Variants in SLC16A1 observed in about 807,000 individuals in gnomAD.
The protein encoded by SLC16A1 is monocarboxylate transporter 1.
A neutral mutation model predicts 32.2 loss-of-function variants in SLC16A1; 11 were observed. That is an observed-to-expected ratio of 0.34 (90% CI 0.21 to 0.56). The LOEUF (loss-of-function observed/expected upper bound fraction) is 0.56. Among genes scored for constraint, SLC16A1 ranks in the 20% least tolerant of loss-of-function variants. SLC16A1 has a pLI of 0.87. For missense variants in SLC16A1, 435 were observed against 615.0 expected, an observed-to-expected ratio of 0.71 and a Z score of 3.10; for synonymous variants, 231 against 226.8, an observed-to-expected ratio of 1.02 and a Z score of -0.17.
At chr1:112,955,227 C>G (rs1186801568) in intron 1 of SLC16A1, 1 of 150,310 alleles carries the variant, frequency 6.7e-6, no homozygotes, top group Non-Finnish European at 1.5e-5. Flanking sequence ...TATGTCATGA[C>G]AAAGTAATAA....
intron 3 of SLC16A1, among the ~76,000 whole-genome samples, chr1:112,920,435 G>A (rs1379381084): frequency 6.6e-6 from 1 of 152,000 alleles, no homozygotes; most frequent in Non-Finnish European, 1.5e-5. Flanking sequence ...GTGAAACCCC[G>A]TCTCTACTAA....
chr1:112,940,027 A>T (rs1276363732), intron 1 of SLC16A1, among the ~76,000 whole-genome samples: 1 of 149,426 alleles, frequency 6.7e-6, no homozygotes, highest in Admixed American at 6.7e-5. Context: ...CTACACCAAA[A>T]CCTGATGGGT....
intron 2 of SLC16A1, chr1:112,924,470 A>AT: frequency 1.4e-6 from 1 of 734,952 alleles, no homozygotes; most frequent in Non-Finnish European, 2.3e-6. Flanking sequence ...ACCTAACAGT[A>AT]AAGTCACCAC....
intron 3 of SLC16A1, 77 bp downstream of exon 3, chr1:112,921,913 T>A (rs1648748213): frequency 6.7e-7 from 1 of 1,499,484 alleles, no homozygotes; most frequent in Non-Finnish European, 9.3e-7. Context: ...ACTCCAGAGA[T>A]CTGAAAGATG....
At chr1:112,953,460 A>G (rs1649969795) in intron 1 of SLC16A1, among the ~76,000 whole-genome samples, 1 of 152,136 alleles carries the variant, frequency 6.6e-6, no homozygotes, top group African/African-American at 2.4e-5. Flanking sequence ...ACCAGCTTGA[A>G]AATCCTTCAA....
At chr1:112,955,315 T>C (rs980099864) in intron 1 of SLC16A1, 4 of 151,788 alleles carry the variant, frequency 2.6e-5, no homozygotes, top group African/African-American at 4.8e-5. Flanking sequence ...TGTAACGCTA[T>C]CCTCCAGATT....
intron 3 of SLC16A1, among the ~76,000 whole-genome samples, chr1:112,918,427 T>A (rs1648596411): frequency 1.3e-5 from 2 of 152,208 alleles, no homozygotes; most frequent in Non-Finnish European, 2.9e-5. Flanking sequence ...TTTTGTCTAA[T>A]CTAACAAAAT....
At chr1:112,945,213 G>T (rs1019159699) in intron 1 of SLC16A1, among the ~76,000 whole-genome samples, 4 of 151,470 alleles carry the variant, frequency 2.6e-5, no homozygotes, top group African/African-American at 9.7e-5. Flanking sequence ...TTGCCATGGC[G>T]GTCTCAAACT....
intron 1 of SLC16A1, among the ~76,000 whole-genome samples, chr1:112,937,386 G>T (rs1159380548): frequency 6.6e-6 from 1 of 151,938 alleles, no homozygotes; most frequent in Non-Finnish European, 1.5e-5. Flanking sequence ...AATTTAAAAG[G>T]AAATAAGAAA....
intron 1 of SLC16A1, among the ~76,000 whole-genome samples, chr1:112,944,867 A>G (rs1649639297): frequency 6.6e-6 from 1 of 151,640 alleles, no homozygotes; most frequent in Non-Finnish European, 1.5e-5. Flanking sequence ...TACTTTTTAT[A>G]TTTTTAGTAG....
At chr1:112,934,368 T>C (rs1358482558) in intron 1 of SLC16A1, among the ~76,000 whole-genome samples, 2 of 152,160 alleles carry the variant, frequency 1.3e-5, no homozygotes, top group African/African-American at 4.8e-5. Context: ...AGATAAGGGA[T>C]AGAAAACAGA....
chr1:112,927,284 T>TAAA (rs1226189021), intron 2 of SLC16A1, among the ~76,000 whole-genome samples: 1 of 151,962 alleles, frequency 6.6e-6, no homozygotes, highest in Admixed American at 6.6e-5. Context: ...ATTTATACTT[T>TAAA]CATGTTTAAA....
rs191465557 is a variant in SLC16A1, at chr1:112,950,558, T to C, written c.-45+5477A>G. Among the ~76,000 whole-genome samples, 243 of 152,394 alleles carry C rather than the reference T, an allele frequency of 1.6e-3. 1 individual carries two copies. The highest frequency in any genetic ancestry group is 5.4e-3 in the African/African-American group (224 of 41,592). On this transcript the variant is annotated intron_variant, in intron 1 of 4. Coordinates refer to ENST00000369626, the MANE Select transcript of SLC16A1 (RefSeq NM_003051.4). ...TCATGAGTTGTGATTAGCAACATGA[T>C]AGTGTAGATAACCAACAGAGTTGGA...
chr1:112,918,152 G>A (rs1648587352), intron 3 of SLC16A1, 108 bp from the exon 4 acceptor site: 1 of 865,652 alleles, frequency 1.2e-6, no homozygotes, highest in South Asian at 5.1e-5. Context: ...CTCATTATTA[G>A]AGGACATGTT....
rs555143330 is a variant in SLC16A1, at chr1:112,933,420, C to T, written c.-44-4068G>A. Among the ~76,000 whole-genome samples, 58 of 144,360 alleles carry T rather than the reference C, an allele frequency of 4.0e-4. 3 individuals carry two copies. The East Asian group carries it at 0.012, about 29-fold the overall frequency. 94.7% of individuals were successfully genotyped at this position (144,360 alleles called of 152,430 possible). A position where few individuals can be genotyped will look rare whatever the true frequency, so the allele number is the denominator to read the frequency against. On this transcript the variant is annotated intron_variant, in intron 1 of 4. Transcript: ENST00000369626. ...GCAGTGAGCTGAGATCACGCCACTG[C>T]ACTCCAGCATGGCCGACACAGCGAG...
chr1:112,944,552 C>G (rs866092459), intron 1 of SLC16A1, among the ~76,000 whole-genome samples: 19 of 152,172 alleles, frequency 1.2e-4, no homozygotes, highest in African/African-American at 4.1e-4. Flanking sequence ...TAAAATTTAC[C>G]TGTCATTCTA....
At chr1:112,932,252 A>C (rs764537088) in intron 1 of SLC16A1, among the ~76,000 whole-genome samples, 1 of 152,220 alleles carries the variant, frequency 6.6e-6, no homozygotes, top group African/African-American at 2.4e-5. Context: ...GAAATAAAAT[A>C]GGCCAGGTGC....
At chr1:112,941,004 G>A (rs1649488049) in intron 1 of SLC16A1, among the ~76,000 whole-genome samples, 1 of 152,072 alleles carries the variant, frequency 6.6e-6, no homozygotes, top group Non-Finnish European at 1.5e-5. Flanking sequence ...TGGACATAAA[G>A]ATGGGAACAA....
chr1:112,934,957 A>G (rs1286710097), intron 1 of SLC16A1, among the ~76,000 whole-genome samples: 1 of 152,236 alleles, frequency 6.6e-6, no homozygotes, highest in East Asian at 1.9e-4. Flanking sequence ...TGGATTAGAC[A>G]CTCAGGAACT....
Sources: allele counts gnomAD v4.1 joint callset (sites outside exome capture counted in the v4.1 genomes callset), GRCh38; gene constraint gnomAD v4.1.1; transcripts MANE v1.5; gene names NCBI Gene and HGNC (gene_info 2026-07-23, HGNC 2026-07-21).